The following PLPP3 variants were observed in gnomAD, a reference collection of about 807,000 sequenced individuals.
PLPP3 encodes the protein phospholipid phosphatase 3, also known as PAP2 beta.
A neutral mutation model predicts 29.6 loss-of-function variants in PLPP3; 6 were observed. The observed-to-expected ratio is 0.20, with a 90% CI of 0.11 to 0.40. The LOEUF is 0.40. Among genes scored for constraint, PLPP3 ranks in the 10% least tolerant of loss-of-function variants. The pLI, the probability that PLPP3 is intolerant of heterozygous loss-of-function variation, is 1.00. For synonymous variants in PLPP3, 152 were observed against 159.7 expected (o/e 0.95, Z 0.36); for missense variants, 308 against 407.7 (o/e 0.76, Z 2.11).
intron 2 of PLPP3, among the ~76,000 whole-genome samples, chr1:56,532,486 G>C (rs1645896375): frequency 6.6e-6 from 1 of 152,114 alleles, no homozygotes; most frequent in Non-Finnish European, 1.5e-5. Context: ...GAGGGGTGGG[G>C]AGGAACTAAT....
intron 2 of PLPP3, among the ~76,000 whole-genome samples, chr1:56,531,328 A>T (rs1341066632): frequency 3.3e-5 from 5 of 152,152 alleles, no homozygotes; most frequent in Non-Finnish European, 7.4e-5. Flanking sequence ...CCTTTCCTTG[A>T]GGGTCTAATC....
chr1:56,547,061 AG>A (rs1324537786), intron 1 of PLPP3, among the ~76,000 whole-genome samples: 1 of 152,244 alleles, frequency 6.6e-6, no homozygotes, highest in Non-Finnish European at 1.5e-5. Context: ...GAATGGAGTT[AG>A]GTGCATAACA....
intron 5 of PLPP3, among the ~76,000 whole-genome samples, chr1:56,507,887 T>C (rs1458549706): frequency 6.6e-6 from 1 of 152,144 alleles, no homozygotes; most frequent in Non-Finnish European, 1.5e-5. Context: ...GTGAAGATTC[T>C]ATGCTGCTAG....
intron 2 of PLPP3, among the ~76,000 whole-genome samples, chr1:56,533,887 CTT>C (rs147192557): frequency 0.026 from 3,908 of 152,282 alleles, 60 homozygotes; most frequent in South Asian, 0.095. Flanking sequence ...CTAAGTTTGA[CTT>C]TTTCTCTAGT....
At chr1:56,572,978 T>C (rs1316162229) in intron 1 of PLPP3, among the ~76,000 whole-genome samples, 2 of 152,178 alleles carry the variant, frequency 1.3e-5, no homozygotes, top group Non-Finnish European at 2.9e-5. Context: ...GCTGTTTGCT[T>C]TATGTCAGGA....
At chr1:56,569,554 T>A (rs993473384) in intron 1 of PLPP3, among the ~76,000 whole-genome samples, 4 of 152,156 alleles carry the variant, frequency 2.6e-5, no homozygotes, top group African/African-American at 9.7e-5. Context: ...GGAGTTACCA[T>A]AGGACCCAGC....
intron 2 of PLPP3, among the ~76,000 whole-genome samples, chr1:56,532,015 T>TA (rs1331936572): frequency 1.3e-5 from 2 of 152,180 alleles, no homozygotes; most frequent in African/African-American, 4.8e-5. Flanking sequence ...TCCGTATTGA[T>TA]ACGTTTTTCA....
chr1:56,522,996 C>T (rs912830767), intron 4 of PLPP3, among the ~76,000 whole-genome samples: 2 of 152,166 alleles, frequency 1.3e-5, no homozygotes, highest in Non-Finnish European at 2.9e-5. Context: ...ACCCAACCGT[C>T]TCCAGGAAAT....
intron 4 of PLPP3, among the ~76,000 whole-genome samples, chr1:56,521,734 T>TCCTCTCTCCCTTTTCTCTTCCTTC (rs147174897): frequency 0.19 from 28,092 of 151,252 alleles, 2,829 homozygotes; most frequent in Middle Eastern, 0.25. Context: ...TCTCTTCCTT[T>TCCTCTCTCCCTTTTCTCTTCCTTC]CCTCTCTCCC....
chr1:56,558,200 T>A (rs565051477), intron 1 of PLPP3, among the ~76,000 whole-genome samples: 81 of 152,344 alleles, frequency 5.3e-4, no homozygotes, highest in Admixed American at 1.0e-3. Flanking sequence ...GAACTTCTTG[T>A]TCTCTGGTAT....
chr1:56,563,551 T>C (rs1380166322), intron 1 of PLPP3, among the ~76,000 whole-genome samples: 2 of 152,218 alleles, frequency 1.3e-5, no homozygotes, highest in African/African-American at 4.8e-5. Context: ...TCTACAGAAC[T>C]GGAACTGAGA....
At chr1:56,563,363 G>T (rs968650917) in intron 1 of PLPP3, among the ~76,000 whole-genome samples, 1 of 152,174 alleles carries the variant, frequency 6.6e-6, no homozygotes. Context: ...CAAAGTGCAG[G>T]CTCCTTCACT....
chr1:56,523,727 G>GT, intron 4 of PLPP3, 96 bp downstream of exon 4: 1 of 1,347,356 alleles, frequency 7.4e-7, no homozygotes, highest in Non-Finnish European at 1.1e-6. Flanking sequence ...GGATTTCACA[G>GT]TGATGGCATG....
At chr1:56,505,927 T>C (rs1224756658) in intron 5 of PLPP3, among the ~76,000 whole-genome samples, 1 of 152,208 alleles carries the variant, frequency 6.6e-6, no homozygotes. Flanking sequence ...TCGTTATCTA[T>C]TGGCGGCCAA....
chr1:56,500,566 G>T (rs1429318620), intron 5 of PLPP3, among the ~76,000 whole-genome samples: 1 of 152,216 alleles, frequency 6.6e-6, no homozygotes, highest in Non-Finnish European at 1.5e-5. Context: ...CTAAGGCGGA[G>T]CAGTCAAAGA....
chr1:56,555,534 A>G (rs1465678391), intron 1 of PLPP3, among the ~76,000 whole-genome samples: 1 of 151,810 alleles, frequency 6.6e-6, no homozygotes, highest in Admixed American at 6.6e-5. Flanking sequence ...GATGATAAGT[A>G]TCCAACACTG....
chr1:56,578,912 C>G lies in PLPP3; in HGVS notation c.105G>C (p.Leu35=). ...GGCAGAAGAGGTCGAGGCAGATGAG[C>G]AGCACCCGCTTGCTGCCGCTCCTCC... ...NPRRSGSKRV[L]LICLDLFCLF... is the part of the protein sequence containing the mutation. The change falls in exon 1 of 6, where the codon CTG becomes CTC. Residue 35 remains leucine (L), a synonymous_variant. Transcript: ENST00000371250. 6.2e-7 allele frequency: 1 copy of G among 1,602,304 alleles called. No homozygotes were observed. Among genetic ancestry groups the G allele is most frequent in the East Asian group, 2.3e-5 (1 of 43,524 alleles).
intron 2 of PLPP3, among the ~76,000 whole-genome samples, chr1:56,535,526 T>C (rs981646836): frequency 6.6e-6 from 1 of 152,166 alleles, no homozygotes; most frequent in African/African-American, 2.4e-5. Flanking sequence ...CAAGAAAACC[T>C]GGGAGGTCAG....
intron 1 of PLPP3, chr1:56,538,973 AC>A (rs1645950084): frequency 1.3e-5 from 2 of 151,410 alleles, no homozygotes; most frequent in Admixed American, 1.3e-4. Flanking sequence ...AAAAAAAAAC[AC>A]AGTGGATAAT....
Sources: gnomAD v4.1 joint callset for allele counts (sites outside exome capture counted in the v4.1 genomes callset) on GRCh38, gnomAD v4.1.1 for gene constraint, MANE v1.5 for transcripts, NCBI Gene and HGNC (gene_info 2026-07-23, HGNC 2026-07-21) for gene names.